Variants in PDE4D observed in about 807,000 individuals in gnomAD.
PDE4D encodes 3',5'-cyclic-AMP phosphodiesterase 4D.
A neutral mutation model predicts 87.4 loss-of-function variants in PDE4D; 24 were observed. That is an observed-to-expected ratio of 0.27 (90% CI 0.20 to 0.39). The LOEUF (loss-of-function observed/expected upper bound fraction) is 0.39. PDE4D is among the 10% of genes least tolerant of loss of function. The pLI is 1.00. For synonymous variants in PDE4D, 384 were observed against 383.2 expected (o/e 1.00, Z -0.02); for missense variants, 714 against 1,041.0 (o/e 0.69, Z 4.32).
chr5:59,735,537 T>C (rs1051706078), intron 1 of PDE4D, among the ~76,000 whole-genome samples: 1 of 152,182 alleles, frequency 6.6e-6, no homozygotes, highest in African/African-American at 2.4e-5. Flanking sequence ...AAAGTGAGAA[T>C]GGTACATTTT....
At chr5:59,688,456 C>A (rs552416072) in intron 1 of PDE4D, among the ~76,000 whole-genome samples, 1 of 152,302 alleles carries the variant, frequency 6.6e-6, no homozygotes, top group South Asian at 2.1e-4. Flanking sequence ...GAACAACCTG[C>A]TCCTGAATGA....
intron 1 of PDE4D, among the ~76,000 whole-genome samples, chr5:60,206,597 A>C (rs1308479704): frequency 1.3e-5 from 2 of 152,258 alleles, no homozygotes; most frequent in Non-Finnish European, 2.9e-5. Context: ...AATATAACAG[A>C]AGCAAAATCT....
intron 11 of PDE4D, 36 bp from the exon 12 acceptor site, chr5:58,977,381 CTGTT>C (rs759410446): frequency 1.2e-4 from 185 of 1,582,572 alleles, no homozygotes; most frequent in Middle Eastern, 1.0e-3. Context: ...ATCAGCAAAA[CTGTT>C]TGTGAGAAGT....
At chr5:60,136,315 CT>C (rs33928836) in intron 2 of PDE4D, among the ~76,000 whole-genome samples, 74,828 of 148,588 alleles carry the variant, frequency 0.5, 18,887 homozygotes, top group Admixed American at 0.55. Flanking sequence ...TCTGGACTAT[CT>C]TTTTTTTTTT....
intron 1 of PDE4D, among the ~76,000 whole-genome samples, chr5:59,226,742 G>A (rs1254745839): frequency 6.6e-6 from 1 of 152,176 alleles, no homozygotes; most frequent in East Asian, 1.9e-4. Context: ...AAAGCCTGCA[G>A]TAGCAGTATG....
chr5:60,019,288 A>G (rs1404756349), intron 2 of PDE4D, among the ~76,000 whole-genome samples: 5 of 152,240 alleles, frequency 3.3e-5, no homozygotes, highest in Non-Finnish European at 7.3e-5. Context: ...ACCAGTGAGC[A>G]TAATTCTTAA....
chr5:60,295,824 C>T (rs1182476594), intron 1 of PDE4D, among the ~76,000 whole-genome samples: 1 of 152,138 alleles, frequency 6.6e-6, no homozygotes, highest in African/African-American at 2.4e-5. Context: ...TTTAGATCCC[C>T]TTGCCTATTA....
chr5:59,317,636 G>A (rs879700845), intron 1 of PDE4D, among the ~76,000 whole-genome samples: 10 of 152,094 alleles, frequency 6.6e-5, no homozygotes, highest in Non-Finnish European at 8.8e-5. Flanking sequence ...TCTTTCCCTC[G>A]CGTAAGAACC....
chr5:59,894,908 T>G (rs1751473153), upstream of PDE4D, among the ~76,000 whole-genome samples: 1 of 152,210 alleles, frequency 6.6e-6, no homozygotes, highest in South Asian at 2.1e-4. Context: ...CTGTACCTTT[T>G]TTATTTGACC....
chr5:59,529,026 C>A, intron 1 of PDE4D: 1 of 473,044 alleles, frequency 2.1e-6, no homozygotes, highest in South Asian at 1.5e-5. Context: ...ACAACCAACT[C>A]TAACCACCAA....
chr5:59,221,447 C>G (rs149845997), intron 1 of PDE4D, among the ~76,000 whole-genome samples: 1 of 152,060 alleles, frequency 6.6e-6, no homozygotes, highest in Admixed American at 6.6e-5. Flanking sequence ...GCCTGGGCAA[C>G]ATGGTGAAAC....
At position 60,298,702 on chromosome 5, in the gene PDE4D, T is replaced by C. The variant is rs573665382; in HGVS notation, c.-89-113015A>G. 3.3e-5 allele frequency among the ~76,000 whole-genome samples: 5 copies of C among 152,324 alleles called. No individual in the cohort carries two copies. In the East Asian group the frequency reaches 9.6e-4, roughly 29 times the overall value. On this transcript the variant is annotated intron_variant, in intron 1 of 16. Transcript: ENST00000502484. Reference sequence around the variant, plus strand: ...TTTATCTTCCACTAATATGTGCAATTCAATTATGTTTTCCTGTCAATGTAT... The same window carrying C: ...TTTATCTTCCACTAATATGTGCAATCCAATTATGTTTTCCTGTCAATGTAT...
intron 2 of PDE4D, among the ~76,000 whole-genome samples, chr5:60,048,761 G>C (rs1361681623): frequency 6.6e-6 from 1 of 152,054 alleles, no homozygotes; most frequent in African/African-American, 2.4e-5. Flanking sequence ...GCTTCCCTTT[G>C]AGGGTAACCC....
intron 2 of PDE4D, among the ~76,000 whole-genome samples, chr5:60,152,425 G>A (rs542229684): frequency 8.5e-5 from 13 of 152,080 alleles, no homozygotes; most frequent in East Asian, 7.7e-4. Context: ...AGGCTGAAGC[G>A]GGCAGATCAC....
chr5:60,430,561 T>TA (rs1312426233), intron 1 of PDE4D, among the ~76,000 whole-genome samples: 103 of 150,868 alleles, frequency 6.8e-4, no homozygotes, highest in African/African-American at 2.3e-3. Flanking sequence ...TTTTTTTTTT[T>TA]ATTGATCATT....
chr5:59,090,807 C>CT (rs61610340), intron 5 of PDE4D, among the ~76,000 whole-genome samples: 3,113 of 105,948 alleles, frequency 0.029, 103 homozygotes, highest in African/African-American at 0.091. Flanking sequence ...TTTTCTTTTT[C>CT]TTTTTTTTTT....
At chr5:59,257,057 A>C (rs1761116605) in intron 1 of PDE4D, among the ~76,000 whole-genome samples, 1 of 152,092 alleles carries the variant, frequency 6.6e-6, no homozygotes, top group East Asian at 1.9e-4. Context: ...ATACATCTTT[A>C]ATAAATGTTA....
At chr5:59,223,844 C>T (rs1363346341) in intron 1 of PDE4D, among the ~76,000 whole-genome samples, 2 of 151,906 alleles carry the variant, frequency 1.3e-5, no homozygotes, top group Admixed American at 6.6e-5. Flanking sequence ...GTAGGATACC[C>T]GGAGAAGGCA....
intron 5 of PDE4D, among the ~76,000 whole-genome samples, chr5:59,066,987 G>GATTTATTT (rs75735314): frequency 0.051 from 7,204 of 141,208 alleles, 226 homozygotes; most frequent in Middle Eastern, 0.077. Context: ...CCCAGCTCGT[G>GATTTATTT]ATTTATTTAT....
Sources: allele counts gnomAD v4.1 joint callset (sites outside exome capture counted in the v4.1 genomes callset), GRCh38; gene constraint gnomAD v4.1.1; transcripts MANE v1.5; gene names NCBI Gene and HGNC (gene_info 2026-07-23, HGNC 2026-07-21).